The following FER1L6 variants were observed in gnomAD, a reference collection of about 807,000 sequenced individuals.
The protein encoded by FER1L6 is fer-1-like protein 6.
Under a neutral mutation model 219.2 loss-of-function variants are expected in FER1L6, and 177 were observed. The observed-to-expected ratio is 0.81, with a 90% CI of 0.71 to 0.91. The LOEUF (loss-of-function observed/expected upper bound fraction) is 0.91, where lower values mean the gene tolerates loss of function less well. FER1L6 is among the 40% of genes least tolerant of loss of function. FER1L6 has a pLI of 0.00. For synonymous variants in FER1L6, 768 were observed against 824.3 expected (o/e 0.93, Z 1.17); for missense variants, 2,153 against 2,259.9 (o/e 0.95, Z 0.96).
chr8:124,045,678 T>G (rs1445023094), intron 20 of FER1L6, 89 bp from the exon 21 acceptor site: 1 of 1,384,250 alleles, frequency 7.2e-7, no homozygotes, highest in Non-Finnish European at 1.0e-6. Context: ...GTGTTCTCTT[T>G]CCCCTGTATA....
chr8:123,932,696 G>A (rs930735771), intron 1 of FER1L6, among the ~76,000 whole-genome samples: 3 of 152,198 alleles, frequency 2.0e-5, no homozygotes, highest in African/African-American at 7.2e-5. Flanking sequence ...TAGGAACCTG[G>A]GCAACTTACA....
rs543669459 is a variant in FER1L6, at chr8:123,903,789, C to T, written c.-8+51604C>T. 2.4e-4 allele frequency among the ~76,000 whole-genome samples: 37 copies of T among 152,240 alleles called. No individual in the cohort carries two copies. The South Asian group carries it at 6.6e-3, about 27-fold the overall frequency. On this transcript the variant is annotated intron_variant, in intron 1 of 40. Transcript: ENST00000522917. Reference sequence around the variant, plus strand: ...CCATGTGCCACTGCTGGGAATACCGCCCTAACCCGAGTACCCTGGGGAAGG... The same window carrying T: ...CCATGTGCCACTGCTGGGAATACCGTCCTAACCCGAGTACCCTGGGGAAGG...
intron 39 of FER1L6, among the ~76,000 whole-genome samples, chr8:124,109,379 G>C (rs916573349): frequency 1.3e-5 from 2 of 152,176 alleles, no homozygotes; most frequent in Non-Finnish European, 2.9e-5. Flanking sequence ...GTGGCTGACA[G>C]AAGGGAAGAT....
chr8:123,928,153 G>A (rs1040281483), intron 1 of FER1L6, among the ~76,000 whole-genome samples: 13 of 152,290 alleles, frequency 8.5e-5, no homozygotes, highest in African/African-American at 3.1e-4. Flanking sequence ...AAGTAACATA[G>A]ATGAATATTC....
intron 7 of FER1L6, among the ~76,000 whole-genome samples, chr8:123,974,405 G>A (rs1287069811): frequency 6.6e-6 from 1 of 152,038 alleles, no homozygotes; most frequent in Non-Finnish European, 1.5e-5. Flanking sequence ...AGAGGTCGAG[G>A]TGGGTGGATC....
intron 39 of FER1L6, among the ~76,000 whole-genome samples, chr8:124,104,910 A>T (rs545687620): frequency 6.2e-4 from 95 of 152,344 alleles, no homozygotes; most frequent in African/African-American, 2.1e-3. Context: ...GGAATAAGAC[A>T]TGAGTAATAC....
chr8:124,067,300 C>T (rs114704456), intron 27 of FER1L6, among the ~76,000 whole-genome samples: 63 of 152,334 alleles, frequency 4.1e-4, no homozygotes, highest in African/African-American at 1.4e-3. Flanking sequence ...CTGCAACCTC[C>T]CTCCTTTTGC....
intron 12 of FER1L6, among the ~76,000 whole-genome samples, chr8:123,993,399 G>A (rs891086349): frequency 4.2e-5 from 6 of 142,902 alleles, no homozygotes; most frequent in Non-Finnish European, 7.5e-5. Flanking sequence ...CCGAGATCCC[G>A]CCACTGCACT....
At chr8:123,951,176 C>T (rs1027217501) in intron 1 of FER1L6, among the ~76,000 whole-genome samples, 2 of 152,178 alleles carry the variant, frequency 1.3e-5, no homozygotes, top group African/African-American at 4.8e-5. Flanking sequence ...ACCTGTGGCA[C>T]ATTAGAATCA....
At chr8:123,973,342 C>A in intron 6 of FER1L6, 92 bp from the exon 7 acceptor site, 1 of 1,006,674 alleles carries the variant, frequency 9.9e-7, no homozygotes, top group Non-Finnish European at 1.6e-6. Flanking sequence ...CCAAACTCCA[C>A]TGTGCTCCAG....
chr8:124,006,852 A>C (rs532481437), intron 13 of FER1L6, among the ~76,000 whole-genome samples: 98 of 152,310 alleles, frequency 6.4e-4, no homozygotes, highest in African/African-American at 2.3e-3. Context: ...ATGTAGACAC[A>C]CTAAGACTAG....
intron 1 of FER1L6, among the ~76,000 whole-genome samples, chr8:123,917,416 G>A (rs1409248831): frequency 6.6e-6 from 1 of 152,230 alleles, no homozygotes; most frequent in African/African-American, 2.4e-5. Context: ...ACATTGCTGT[G>A]CACTCTAACA....
At chr8:124,040,507 A>G (rs927258681) in intron 20 of FER1L6, 1 of 182,894 alleles carries the variant, frequency 5.5e-6, no homozygotes, top group African/African-American at 2.3e-5. Context: ...GGAAAATACT[A>G]CTTCATAATG....
intron 1 of FER1L6, among the ~76,000 whole-genome samples, chr8:123,862,321 G>T (rs1816760209): frequency 8.6e-6 from 1 of 116,516 alleles, no homozygotes. Context: ...GCATCCCAGG[G>T]ATGAAGCCCA....
At chr8:123,856,974 C>T (rs979155760) in intron 1 of FER1L6, among the ~76,000 whole-genome samples, 2 of 152,090 alleles carry the variant, frequency 1.3e-5, no homozygotes, top group African/African-American at 4.8e-5. Context: ...GTGGGAAAGA[C>T]AGTAGATTCC....
Position 124,010,711 on chromosome 8 carries a change from C to T in FER1L6, c.1818C>T (p.Phe606=). 1.2e-6 allele frequency: 2 copies of T among 1,613,180 alleles called. No homozygotes were observed. Among genetic ancestry groups the T allele is most frequent in the South Asian group, 2.2e-5 (2 of 90,854 alleles). The part of the protein sequence containing the change: ...WSNMLEKMAD[F]LEESIEEVRE... ...ACATGCTGGAGAAAATGGCAGACTT[C>T]CTGGTAGGTGACTCTGACAGGTGAT... The change falls in exon 14 of 41, where the codon TTC becomes TTT. Residue 606 remains phenylalanine (F), a synonymous_variant. Transcript: ENST00000522917.
At position 124,081,104 on chromosome 8, in the gene FER1L6, C is replaced by T. The variant is rs534645115; in HGVS notation, c.4221-1184C>T. ...CTGACCATGAGGGCAGCAGCCCAGA[C>T]AGCCCTGTGGACATGCAGGGAAATA... is the stretch of plus-strand genomic sequence containing the variant. On this transcript the variant is annotated intron_variant, in intron 32 of 40. Coordinates refer to ENST00000522917, the MANE Select transcript of FER1L6 (RefSeq NM_001039112.2). Among the ~76,000 whole-genome samples, 4 of 152,274 alleles carry T rather than the reference C, an allele frequency of 2.6e-5. No individual in the cohort carries two copies. The South Asian group carries it at 8.3e-4, about 32-fold the overall frequency.
intron 1 of FER1L6, among the ~76,000 whole-genome samples, chr8:123,942,864 G>A (rs1268180972): frequency 1.3e-5 from 2 of 152,158 alleles, no homozygotes; most frequent in Non-Finnish European, 2.9e-5. Flanking sequence ...TGGTTTCAGA[G>A]GTATTTGACC....
chr8:124,015,571 C>CCATATATATA (rs1228848238), intron 15 of FER1L6, among the ~76,000 whole-genome samples: 1 of 43,222 alleles, frequency 2.3e-5, no homozygotes, highest in Admixed American at 3.5e-4. Context: ...ATTATAAAAG[C>CCATATATATA]TATATATATA....
Sources: allele counts gnomAD v4.1 joint callset (sites outside exome capture counted in the v4.1 genomes callset), GRCh38; gene constraint gnomAD v4.1.1; transcripts MANE v1.5; gene names NCBI Gene and HGNC (gene_info 2026-07-23, HGNC 2026-07-21).